The following SHISA9 variants were observed in gnomAD, a reference collection of about 807,000 sequenced individuals.
SHISA9 encodes the protein protein shisa-9.
Under a neutral mutation model 38.0 loss-of-function variants are expected in SHISA9, and 13 were observed. The observed-to-expected ratio is 0.34, with a 90% CI of 0.22 to 0.54. The LOEUF (loss-of-function observed/expected upper bound fraction) is 0.54. SHISA9 is among the 20% of genes least tolerant of loss of function. The probability of loss-of-function intolerance (pLI) is 0.91; values close to 1 mark genes in which losing one functional copy is unlikely to be tolerated. For synonymous variants in SHISA9, 275 were observed against 242.0 expected (o/e 1.14, Z -1.27); for missense variants, 538 against 575.8 (o/e 0.93, Z 0.67).
intron 2 of SHISA9, among the ~76,000 whole-genome samples, chr16:13,003,351 G>A (rs925395333): frequency 6.6e-6 from 1 of 152,166 alleles, no homozygotes; most frequent in African/African-American, 2.4e-5. Context: ...ATTTAGACCT[G>A]GATCTCTCTG....
intron 3 of SHISA9, among the ~76,000 whole-genome samples, chr16:13,210,722 G>A (rs2051110796): frequency 1.3e-5 from 2 of 152,298 alleles, no homozygotes; most frequent in Non-Finnish European, 2.9e-5. Context: ...CACCTCTGAG[G>A]GAGGCATCAG....
the SHISA9 span, among the ~76,000 whole-genome samples, chr16:13,274,673 T>A: frequency 1.3e-5 from 2 of 152,088 alleles, no homozygotes; most frequent in Non-Finnish European, 2.9e-5. Context: ...CCTGATTATG[T>A]CAAGTGGCCC....
At chr16:13,469,401 GAA>G in the SHISA9 span, among the ~76,000 whole-genome samples, 3 of 124,714 alleles carry the variant, frequency 2.4e-5, no homozygotes, top group South Asian at 2.8e-4. Context: ...AAGAAAGAAA[GAA>G]AGAAAGAAAG....
At chr16:12,945,339 A>G (rs2071674980) in intron 2 of SHISA9, among the ~76,000 whole-genome samples, 2 of 152,186 alleles carry the variant, frequency 1.3e-5, no homozygotes, top group Non-Finnish European at 2.9e-5. Context: ...CTGAATGCCA[A>G]TAGACATGCC....
the SHISA9 span, among the ~76,000 whole-genome samples, chr16:13,508,129 AAT>A: frequency 6.6e-6 from 1 of 152,198 alleles, no homozygotes; most frequent in East Asian, 1.9e-4. Context: ...CCTTTTCTGT[AAT>A]ATGGGAATAA....
the SHISA9 span, among the ~76,000 whole-genome samples, chr16:13,360,035 C>A: frequency 6.6e-6 from 1 of 152,174 alleles, no homozygotes; most frequent in African/African-American, 2.4e-5. Flanking sequence ...CCTTGGGGAA[C>A]TTGACTTGCT....
chr16:13,474,116 C>A, the SHISA9 span: 56 of 152,282 alleles, frequency 3.7e-4, no homozygotes, highest in African/African-American at 1.0e-3. Context: ...GAAAAAAATA[C>A]CCCTTGCCTG....
At chr16:13,041,920 C>G (rs757637282) in intron 2 of SHISA9, among the ~76,000 whole-genome samples, 7 of 152,172 alleles carry the variant, frequency 4.6e-5, no homozygotes, top group Non-Finnish European at 1.0e-4. Flanking sequence ...TGAGTACCAT[C>G]GAATCATCAA....
At chr16:13,091,331 T>C (rs1485117232) in intron 2 of SHISA9, among the ~76,000 whole-genome samples, 2 of 152,220 alleles carry the variant, frequency 1.3e-5, no homozygotes, top group Non-Finnish European at 2.9e-5. Context: ...ATTTCCTGAA[T>C]TTGAATGTTG....
chr16:13,060,052 C>T (rs1000396393), intron 2 of SHISA9, among the ~76,000 whole-genome samples: 2 of 152,140 alleles, frequency 1.3e-5, no homozygotes, highest in African/African-American at 2.4e-5. Context: ...ATTTGACAGG[C>T]GAGGTAACCA....
At chr16:13,177,291 A>G (rs1340251413) in intron 2 of SHISA9, among the ~76,000 whole-genome samples, 2 of 152,212 alleles carry the variant, frequency 1.3e-5, no homozygotes, top group East Asian at 3.8e-4. Context: ...AACCTAGCTC[A>G]GCAAATGCTC....
intron 2 of SHISA9, among the ~76,000 whole-genome samples, chr16:13,031,093 A>G (rs4780494): frequency 0.67 from 101,256 of 152,066 alleles, 34,249 homozygotes; most frequent in Middle Eastern, 0.76. Context: ...TAAGTAAACA[A>G]TGGCCAAACC....
At chr16:13,075,955 T>C (rs1370385211) in intron 2 of SHISA9, among the ~76,000 whole-genome samples, 2 of 152,134 alleles carry the variant, frequency 1.3e-5, no homozygotes, top group African/African-American at 2.4e-5. Context: ...CCCAGCTCGG[T>C]TGTGACAACC....
chr16:13,085,720 C>T (rs1223908673), intron 2 of SHISA9, among the ~76,000 whole-genome samples: 1 of 152,148 alleles, frequency 6.6e-6, no homozygotes, highest in Non-Finnish European at 1.5e-5. Flanking sequence ...AAAAAAACAC[C>T]TGGTGAACAA....
chr16:13,108,123 C>A (rs1479953516), intron 2 of SHISA9, among the ~76,000 whole-genome samples: 1 of 149,264 alleles, frequency 6.7e-6, no homozygotes, highest in Non-Finnish European at 1.5e-5. Flanking sequence ...AAAGAGAGCC[C>A]CCCTCCGGCC....
the SHISA9 span, among the ~76,000 whole-genome samples, chr16:13,285,498 G>A: frequency 7.1e-6 from 1 of 141,638 alleles, no homozygotes; most frequent in Admixed American, 7.1e-5. Flanking sequence ...TATAAAAGGA[G>A]GCAGATGAGG....
chr16:13,323,197 T>C, the SHISA9 span, among the ~76,000 whole-genome samples: 4 of 152,308 alleles, frequency 2.6e-5, no homozygotes, highest in East Asian at 3.9e-4. Flanking sequence ...AAATAGGTAT[T>C]TGGTGAATGC....
the SHISA9 span, among the ~76,000 whole-genome samples, chr16:13,312,911 TGAG>T: frequency 6.6e-6 from 1 of 152,050 alleles, no homozygotes; most frequent in East Asian, 1.9e-4. Flanking sequence ...TAACAGAAGT[TGAG>T]AAGTGTTAGG....
chr16:13,130,561 G>A (rs2050297753), intron 2 of SHISA9, among the ~76,000 whole-genome samples: 1 of 152,168 alleles, frequency 6.6e-6, no homozygotes, highest in South Asian at 2.1e-4. Flanking sequence ...CAGAGTTTCA[G>A]TGTAGTATAT....
Sources: allele counts gnomAD v4.1 joint callset (sites outside exome capture counted in the v4.1 genomes callset), GRCh38; gene constraint gnomAD v4.1.1; transcripts MANE v1.5; gene names NCBI Gene and HGNC (gene_info 2026-07-23, HGNC 2026-07-21).